ICE1: variants seen among roughly 807,000 people sequenced by gnomAD.
The protein encoded by ICE1 is little elongation complex subunit 1.
A neutral mutation model predicts 192.7 loss-of-function variants in ICE1; 64 were observed. The observed-to-expected ratio is 0.33, with a 90% CI of 0.27 to 0.41. The LOEUF is 0.41. ICE1 is among the 10% of genes least tolerant of loss of function. The pLI, the probability that ICE1 is intolerant of heterozygous loss-of-function variation, is 1.00. For missense variants in ICE1, 2,708 were observed against 2,696.0 expected, an observed-to-expected ratio of 1.00 and a Z score of -0.10; for synonymous variants, 1,010 against 984.5, an observed-to-expected ratio of 1.03 and a Z score of -0.49.
Position 5,462,036 on chromosome 5 carries a change from T to G in ICE1, c.2702T>G (p.Val901Gly). 3.7e-6 allele frequency: 6 copies of G among 1,613,940 alleles called. No homozygotes were observed. The highest frequency in any genetic ancestry group is 5.1e-6 in the Non-Finnish European group (6 of 1,179,878). The change falls in exon 13 of 19, where the codon GTA (valine) becomes GGA (glycine). Residue 901 changes from valine (V) to glycine (G), a missense_variant. Val to Gly is a moderately radical substitution (Grantham distance 109). Transcript: ENST00000296564. ...NSGNKTGMST[V>G]AKCDGERDDT... Reference sequence around the variant, plus strand: ...GGCAACAAAACCGGTATGTCAACTGTAGCAAAATGTGATGGGGAAAGAGAT... The same window carrying G: ...GGCAACAAAACCGGTATGTCAACTGGAGCAAAATGTGATGGGGAAAGAGAT...
intron 1 of ICE1, among the ~76,000 whole-genome samples, chr5:5,424,715 T>A (rs1232959695): frequency 6.6e-6 from 1 of 152,166 alleles, no homozygotes; most frequent in Non-Finnish European, 1.5e-5. Flanking sequence ...CTGGAACGTT[T>A]ATATTGGAGC....
chr5:5,483,482 A>G (rs1021517942), intron 17 of ICE1, among the ~76,000 whole-genome samples: 1 of 152,216 alleles, frequency 6.6e-6, no homozygotes, highest in Non-Finnish European at 1.5e-5. Context: ...ATGATTAACT[A>G]TTAAAGAGCA....
chr5:5,457,805 G>GA, intron 12 of ICE1, 64 bp downstream of exon 12: 1 of 1,407,736 alleles, frequency 7.1e-7, no homozygotes, highest in Non-Finnish European at 9.8e-7. Flanking sequence ...ATATGTCCTT[G>GA]ATGCTCAAAG....
rs756628860 is a variant in ICE1, at chr5:5,464,397, C to G, written c.5063C>G (p.Pro1688Arg). The part of the protein sequence containing the change: ...PPAMSPWPED[P>R]RRASPPDPSP... ...GCCATGTCTCCATGGCCAGAGGACC[C>G]CAGACGTGCCTCTCCTCCAGATCCT... The change falls in exon 13 of 19, where the codon CCC becomes CGC. Residue 1688 changes from proline (P) to arginine (R), a missense_variant. Around this residue, in one of 2 missense-constraint regions of ICE1, gnomAD observed 2,366 missense variants for 2,276.6 expected, o/e 1.04. Transcript: ENST00000296564. The surrounding 1 kb of genome is among the most constrained non-coding windows in gnomAD (Gnocchi z 4.0). The G allele has an allele frequency of 1.2e-6, 2 of 1,613,876 alleles. No individual in the cohort carries two copies. Among genetic ancestry groups the G allele is most frequent in the South Asian group, 2.2e-5 (2 of 91,068 alleles).
intron 13 of ICE1, 93 bp downstream of exon 13, chr5:5,465,319 A>C (rs1738952146): frequency 2.4e-6 from 2 of 848,844 alleles, no homozygotes; most frequent in Admixed American, 2.9e-5. Flanking sequence ...GATGACCATG[A>C]ACAAAAGTTT....
chr5:5,480,225 A>G (rs1739460052), intron 17 of ICE1, among the ~76,000 whole-genome samples: 2 of 151,568 alleles, frequency 1.3e-5, no homozygotes, highest in Admixed American at 1.3e-4. Context: ...TATGACTTTT[A>G]AGTATCTTTG....
rs1361479944 is a variant in ICE1, at chr5:5,473,658, A to G, written c.6323A>G (p.Asp2108Gly). Residue 2108 changes from aspartate to glycine, a missense_variant, in exon 16 of 19, where the codon GAC becomes GGC. This residue lies in a region of ICE1 where 342 missense variants were observed against 419.3 expected (regional missense o/e 0.82). Coordinates refer to ENST00000296564, the MANE Select transcript of ICE1 (RefSeq NM_015325.3). Reference sequence around the variant, plus strand: ...CAACCTAGTGAAAAATTTGGTGAAGACCTAAGTGATAACACTTGGGAATAC... The same window carrying G: ...CAACCTAGTGAAAAATTTGGTGAAGGCCTAAGTGATAACACTTGGGAATAC... The part of the protein sequence containing the change: ...EFQPSEKFGE[D>G]LSDNTWEYIF... 4 of 1,613,318 alleles carry G rather than the reference A, an allele frequency of 2.5e-6. No individual in the cohort carries two copies. The highest frequency in any genetic ancestry group is 3.4e-6 in the Non-Finnish European group (4 of 1,179,624).
chr5:5,488,280 C>T (rs1033166100), intron 18 of ICE1, among the ~76,000 whole-genome samples: 1 of 152,162 alleles, frequency 6.6e-6, no homozygotes, highest in African/African-American at 2.4e-5. Context: ...AACTGAGGTA[C>T]ACATTGAGTA....
At chr5:5,449,038 T>C (rs938318675) in intron 10 of ICE1, among the ~76,000 whole-genome samples, 2 of 150,998 alleles carry the variant, frequency 1.3e-5, no homozygotes, top group African/African-American at 4.8e-5. Context: ...AGATTTGTTT[T>C]ACAATTCAGC....
At chr5:5,423,148 T>C (rs1021580995) in intron 1 of ICE1, 149 bp downstream of exon 1, 53 of 430,694 alleles carry the variant, frequency 1.2e-4, no homozygotes, top group Admixed American at 4.5e-5. Context: ...GTCTCTCTGC[T>C]CTCTTTTTCC....
Position 5,463,285 on chromosome 5 carries a change from A to T in ICE1, c.3951A>T (p.Glu1317Asp). 1 of 1,613,632 alleles carries T rather than the reference A, an allele frequency of 6.2e-7. No homozygotes were observed. The change falls in exon 13 of 19, where the codon GAA becomes GAT. Residue 1317 changes from glutamate to aspartate, a missense_variant. Glu to Asp is a conservative substitution (Grantham distance 45, BLOSUM62 2). Around this residue, in one of 2 missense-constraint regions of ICE1, gnomAD observed 2,366 missense variants for 2,276.6 expected, o/e 1.04. Transcript: ENST00000296564. ...ETTGSSSHAS[E>D]PTPQAAALDT... is the part of the protein sequence containing the mutation. ...CTGGCTCCTCATCACATGCTTCAGA[A>T]CCAACCCCACAAGCAGCTGCCTTGG...
intron 1 of ICE1, among the ~76,000 whole-genome samples, chr5:5,429,570 A>G (rs60262607): frequency 4.6e-5 from 7 of 152,326 alleles, no homozygotes; most frequent in African/African-American, 1.2e-4. Flanking sequence ...CTTCTCTTAC[A>G]TATTTACTGA....
At position 5,486,103 on chromosome 5, in the gene ICE1, C is replaced by T. The variant is rs186952393; in HGVS notation, c.6521-618C>T. ...GGGGGAGTGCTTCCTGTGCCGTCTA[C>T]AGCATGTTACAGAGTTCTGTGCTTA... On this transcript the variant is annotated intron_variant, in intron 17 of 18. Transcript: ENST00000296564. Among the ~76,000 whole-genome samples, 10 of 152,330 alleles carry T rather than the reference C, an allele frequency of 6.6e-5. 1 individual carries two copies. Among genetic ancestry groups the T allele is most frequent in the Admixed American group, 6.5e-4 (10 of 15,300 alleles).
chr5:5,423,677 G>A (rs562302704), intron 1 of ICE1, among the ~76,000 whole-genome samples: 1 of 152,318 alleles, frequency 6.6e-6, no homozygotes, highest in South Asian at 2.1e-4. Flanking sequence ...CAGATCTTAT[G>A]GGGTGGTACT....
At position 5,464,774 on chromosome 5, in the gene ICE1, G is replaced by A. The variant is rs1375906223; in HGVS notation, c.5440G>A (p.Gly1814Ser). The A allele has an allele frequency of 6.2e-7, 1 of 1,613,774 alleles. No homozygotes were observed. The change falls in exon 13 of 19, where the codon GGT becomes AGT. Residue 1814 changes from glycine (G) to serine (S), a missense_variant. Gly to Ser is a moderately conservative substitution (Grantham distance 56). Coordinates refer to ENST00000296564, the MANE Select transcript of ICE1 (RefSeq NM_015325.3). The surrounding 1 kb of genome is among the most constrained non-coding windows in gnomAD (Gnocchi z 4.0). ...TAFVKTGSSS[G>S]GDCNQDKSRD... ...TTTTGTCAAAACTGGGAGCAGCTCT[G>A]GTGGTGACTGTAACCAAGACAAGTC...
intron 1 of ICE1, among the ~76,000 whole-genome samples, chr5:5,429,257 C>G (rs959385886): frequency 6.6e-6 from 1 of 152,134 alleles, no homozygotes; most frequent in Non-Finnish European, 1.5e-5. Context: ...AGATTCCAGA[C>G]CCCCACAAGG....
At position 5,462,311 on chromosome 5, in the gene ICE1, G is replaced by A. The variant is rs1265267960; in HGVS notation, c.2977G>A (p.Asp993Asn). 1.2e-6 allele frequency: 2 copies of A among 1,613,942 alleles called. No individual in the cohort carries two copies. Among genetic ancestry groups the A allele is most frequent in the African/African-American group, 1.3e-5 (1 of 75,050 alleles). The change falls in exon 13 of 19, where the codon GAC (aspartate) becomes AAC (asparagine). Residue 993 changes from aspartate (D) to asparagine (N), a missense_variant. By Grantham distance (23) the Asp-to-Asn change is conservative. Around this residue, in one of 2 missense-constraint regions of ICE1, gnomAD observed 2,366 missense variants for 2,276.6 expected, o/e 1.04. Coordinates refer to ENST00000296564, the MANE Select transcript of ICE1 (RefSeq NM_015325.3). Reference sequence around the variant, plus strand: ...AAGGCAGCCTCAGGCCACAGATCTGGACTCCAGTGGGACACATGGCAGTGA... The same window carrying A: ...AAGGCAGCCTCAGGCCACAGATCTGAACTCCAGTGGGACACATGGCAGTGA... Reference protein sequence around the residue: ...KQRQPQATDLDSSGTHGSEML... With the variant: ...KQRQPQATDLNSSGTHGSEML...
chr5:5,456,868 TAGAG>T (rs980307050), intron 11 of ICE1, among the ~76,000 whole-genome samples: 4 of 152,344 alleles, frequency 2.6e-5, no homozygotes, highest in Admixed American at 6.5e-5. Context: ...ATCTTTCAGT[TAGAG>T]AGCATTGTAC....
At chr5:5,448,732 C>T (rs908921092) in intron 10 of ICE1, among the ~76,000 whole-genome samples, 3 of 152,100 alleles carry the variant, frequency 2.0e-5, no homozygotes, top group Non-Finnish European at 2.9e-5. Flanking sequence ...TTTTAGAAGT[C>T]ACCTTTACCT....
Sources: gnomAD v4.1 joint callset for allele counts (sites outside exome capture counted in the v4.1 genomes callset) on GRCh38, gnomAD v4.1.1 for gene constraint, gnomAD v4.1.1 regional missense constraint, Gnocchi (gnomAD v3.1) non-coding constraint, MANE v1.5 for transcripts, NCBI Gene and HGNC (gene_info 2026-07-23, HGNC 2026-07-21) for gene names.